Variants in DNAH17 observed in about 807,000 individuals in gnomAD.
The protein encoded by DNAH17 is axonemal beta dynein heavy chain 17.
In DNAH17, 376 loss-of-function variants were observed where a neutral mutation model predicts 485.6. The ratio of observed to expected loss-of-function variants is 0.77; its 90% CI spans 0.71 to 0.84. The LOEUF (loss-of-function observed/expected upper bound fraction) is 0.84. DNAH17 is among the 40% of genes least tolerant of loss of function. The pLI, the probability that DNAH17 is intolerant of heterozygous loss-of-function variation, is 0.00. For missense variants in DNAH17, 6,370 were observed against 5,839.3 expected (o/e 1.09, Z -2.96); for synonymous variants, 3,031 against 2,405.9 (o/e 1.26, Z -7.60).
At chr17:78,469,726 A>G (rs1023125062) in intron 54 of DNAH17, among the ~76,000 whole-genome samples, 7 of 152,256 alleles carry the variant, frequency 4.6e-5, no homozygotes, top group Non-Finnish European at 1.0e-4. Flanking sequence ...GTGCAATGGA[A>G]TATGATTTGG....
At chr17:78,439,337 A>C in intron 72 of DNAH17, 120 bp from the exon 73 acceptor site, 1 of 1,203,494 alleles carries the variant, frequency 8.3e-7, no homozygotes, top group Non-Finnish European at 1.1e-6. Context: ...GGTGAAATAC[A>C]CATGACATAA....
At chr17:78,478,789 A>G in intron 51 of DNAH17, 3 of 499,316 alleles carry the variant, frequency 6.0e-6, no homozygotes, top group Non-Finnish European at 1.1e-5. Flanking sequence ...CACTATCATC[A>G]TAACCATCAC....
At position 78,450,249 on chromosome 17, in the gene DNAH17, C is replaced by T. The variant is rs187377193; in HGVS notation, c.11040+5G>A. The T allele has an allele frequency of 2.8e-4, 455 of 1,613,584 alleles. No homozygotes were observed. Among genetic ancestry groups the T allele is most frequent in the East Asian group, 2.6e-3 (115 of 44,868 alleles). ...GAGGCACCCAGCCCCAGCTGCAGGG[C>T]GCACCTTGAGGGAGAACTGGTAGAC... On this transcript the variant is annotated splice_donor_5th_base_variant and intron_variant, in intron 68 of 80. Coordinates refer to ENST00000389840, the MANE Select transcript of DNAH17 (RefSeq NM_173628.4).
chr17:78,560,479 T>TC (rs61060108), intron 13 of DNAH17, among the ~76,000 whole-genome samples: 143 of 151,760 alleles, frequency 9.4e-4, no homozygotes, highest in South Asian at 4.4e-3. Context: ...AAAGACTTTT[T>TC]CCCCCCCCCC....
At chr17:78,531,027 T>C (rs2091221592) in intron 20 of DNAH17, among the ~76,000 whole-genome samples, 1 of 152,216 alleles carries the variant, frequency 6.6e-6, no homozygotes, top group Non-Finnish European at 1.5e-5. Flanking sequence ...CTGCAGCTGT[T>C]GGGTAAAGTG....
At chr17:78,466,949 A>T (rs2146558529) in intron 55 of DNAH17, 133 bp from the exon 56 acceptor site, 1 of 926,216 alleles carries the variant, frequency 1.1e-6, no homozygotes, top group South Asian at 2.1e-5. Context: ...TGGGCAGCAC[A>T]GTCCTGGTTC....
chr17:78,477,385 T>C (rs569322512), intron 51 of DNAH17, among the ~76,000 whole-genome samples: 1 of 151,924 alleles, frequency 6.6e-6, no homozygotes, highest in Non-Finnish European at 1.5e-5. Flanking sequence ...TTTTTTTTTA[T>C]TGATACTTTT....
rs190357326 is a variant in DNAH17 at position 78,461,365 on chromosome 17, G to A, written c.9339+179C>T. ...TTCTAAGGAAAGCCTGCTTCTGAGCGGGGGCCCTCCCCTGGGAGAGACTCC... is the reference window on the plus strand; with the variant it reads ...TTCTAAGGAAAGCCTGCTTCTGAGCAGGGGCCCTCCCCTGGGAGAGACTCC... On this transcript the variant is annotated intron_variant, in intron 58 of 80. Transcript: ENST00000389840. Among the ~76,000 whole-genome samples the A allele has an allele frequency of 2.4e-3, 368 of 152,294 alleles. 4 individuals are homozygous for A. Among genetic ancestry groups the A allele is most frequent in the African/African-American group, 7.6e-3 (316 of 41,562 alleles).
intron 14 of DNAH17, among the ~76,000 whole-genome samples, chr17:78,553,785 A>G (rs902384585): frequency 1.3e-5 from 2 of 152,192 alleles, no homozygotes; most frequent in Non-Finnish European, 2.9e-5. Context: ...AACTGTGTAT[A>G]GGTTGGTGTA....
chr17:78,485,162 G>C, intron 47 of DNAH17, 129 bp from the exon 48 acceptor site: 1 of 1,255,418 alleles, frequency 8.0e-7, no homozygotes, highest in South Asian at 1.6e-5. Flanking sequence ...GTTTACCAAA[G>C]GTACCTGCCC....
At position 78,561,797 on chromosome 17, in the gene DNAH17, C is replaced by A. The variant is rs150278912; in HGVS notation, c.1753G>T (p.Val585Leu). ...IPLIHKNMPP[V>L]AGQLKWSLEL... ...AGGCTCCATTTGAGCTGCCCGGCCA[C>A]GGGAGGCATGTTTTTGTGGATCAGG... The change falls in exon 12 of 81, where the codon GTG becomes TTG. Residue 585 changes from valine to leucine, a missense_variant. Transcript: ENST00000389840. 1.9e-6 allele frequency: 3 copies of A among 1,613,586 alleles called. No homozygotes were observed. The highest frequency in any genetic ancestry group is 1.7e-5 in the Admixed American group (1 of 59,948).
In DNAH17 at chr17:78,441,117, G is replaced by A. The variant is rs749574456; in HGVS notation, c.11611C>T (p.Pro3871Ser). ...AGGATGAAGAAGATTGACGTGGAGG[G>A]GCTGCTCTCCTCGTAGGACTTAGAA... Reference protein sequence around the residue: ...EFSKSYEESSPSTSIFFILSP... With the variant: ...EFSKSYEESSSSTSIFFILSP... The change falls in exon 72 of 81, where the codon CCC becomes TCC. Residue 3871 changes from proline (P) to serine (S), a missense_variant. Pro to Ser is a moderately conservative substitution (Grantham distance 74). Coordinates refer to ENST00000389840, the MANE Select transcript of DNAH17 (RefSeq NM_173628.4). 1.1e-5 allele frequency: 17 copies of A among 1,613,756 alleles called. No homozygotes were observed. The highest frequency in any genetic ancestry group is 1.4e-5 in the Non-Finnish European group (17 of 1,179,880).
chr17:78,485,633 T>A lies in DNAH17; in HGVS notation c.7400A>T (p.Asp2467Val), dbSNP rs2089570002. The A allele has an allele frequency of 2.5e-6, 4 of 1,613,806 alleles. No homozygotes were observed. Among genetic ancestry groups the A allele is most frequent in the Non-Finnish European group, 3.4e-6 (4 of 1,179,844 alleles). ...GTCCGTGTTCAGGCTTTCCAGCTTGTCCCCCATCAGCACCGACTTGCCCGT... is the reference window on the plus strand; with the variant it reads ...GTCCGTGTTCAGGCTTTCCAGCTTGACCCCCATCAGCACCGACTTGCCCGT... ...AGTGKSVLMG[D>V]KLESLNTDNY... is the part of the protein sequence containing the mutation. Residue 2467 changes from aspartate to valine, a missense_variant, in exon 47 of 81, where the codon GAC becomes GTC. Coordinates refer to ENST00000389840, the MANE Select transcript of DNAH17 (RefSeq NM_173628.4).
intron 56 of DNAH17, among the ~76,000 whole-genome samples, chr17:78,466,410 G>A (rs1376792929): frequency 6.6e-6 from 1 of 151,730 alleles, no homozygotes; most frequent in African/African-American, 2.4e-5. Flanking sequence ...GTCCCCCTCT[G>A]TGAGAAACAC....
chr17:78,458,796 G>C (rs1271095069), intron 61 of DNAH17, 116 bp from the exon 62 acceptor site: 2 of 1,105,404 alleles, frequency 1.8e-6, no homozygotes, highest in East Asian at 2.4e-5. Flanking sequence ...TCCCACAAAG[G>C]CTGAGAGCCC....
At chr17:78,490,635 A>G in intron 44 of DNAH17, 64 bp downstream of exon 44, 1 of 1,531,130 alleles carries the variant, frequency 6.5e-7, no homozygotes, top group Non-Finnish European at 8.8e-7. Flanking sequence ...CAACTCTGAA[A>G]CAGGCCAACA....
chr17:78,446,796 A>G (rs2087325160), intron 69 of DNAH17, among the ~76,000 whole-genome samples: 1 of 152,142 alleles, frequency 6.6e-6, no homozygotes, highest in Non-Finnish European at 1.5e-5. Context: ...GGTGTGTGCC[A>G]CCATGCCCGG....
intron 50 of DNAH17, 82 bp downstream of exon 50, chr17:78,479,403 T>C (rs949345419): frequency 1.2e-5 from 17 of 1,429,038 alleles, no homozygotes; most frequent in Non-Finnish European, 1.6e-5. Context: ...AAAATATTTA[T>C]CAAGGGAAAA....
chr17:78,431,448 A>ACCCCCCCCCCCC lies in DNAH17; in HGVS notation c.12226-2149_12226-2148insGGGGGGGGGGGG, dbSNP rs537043508. ...TGCATTTCCCGTACCTGCTGAGGGA[A>ACCCCCCCCCCCC]CCCCCCACCCCGAGACTCCTGGGGG... On this transcript the variant is annotated intron_variant, in intron 75 of 80. Coordinates refer to ENST00000389840, the MANE Select transcript of DNAH17 (RefSeq NM_173628.4). 1.4e-4 allele frequency among the ~76,000 whole-genome samples: 19 copies of ACCCCCCCCCCCC among 137,572 alleles called. 1 individual carries two copies. Among genetic ancestry groups the ACCCCCCCCCCCC allele is most frequent in the African/African-American group, 4.5e-4 (16 of 35,442 alleles). 90.3% of individuals were successfully genotyped at this position (137,572 alleles called of 152,430 possible).
Sources: allele counts gnomAD v4.1 joint callset (sites outside exome capture counted in the v4.1 genomes callset), GRCh38; gene constraint gnomAD v4.1.1; transcripts MANE v1.5; gene names NCBI Gene and HGNC (gene_info 2026-07-23, HGNC 2026-07-21).